ZSCAN25: variants seen among roughly 807,000 people sequenced by gnomAD.
The protein encoded by ZSCAN25 is zinc finger and SCAN domain-containing protein 25.
A neutral mutation model predicts 38.7 loss-of-function variants in ZSCAN25; 27 were observed. The observed-to-expected ratio is 0.70, with a 90% confidence interval of 0.51 to 0.96. ZSCAN25 has a LOEUF of 0.96. ZSCAN25 is among the 40% of genes least tolerant of loss of function. The pLI, the probability that ZSCAN25 is intolerant of heterozygous loss-of-function variation, is 0.00. For missense variants in ZSCAN25, 637 were observed against 705.9 expected, an observed-to-expected ratio of 0.90 and a Z score of 1.11; for synonymous variants, 273 against 277.7, an observed-to-expected ratio of 0.98 and a Z score of 0.17.
At chr7:99,674,463 G>A in the ZSCAN25 span, 4 of 1,240,780 alleles carry the variant, frequency 3.2e-6, no homozygotes, top group South Asian at 5.1e-5. Flanking sequence ...CCTGGGCAGA[G>A]ACTATCCTGC....
At chr7:99,641,303 G>C in the ZSCAN25 span, among the ~76,000 whole-genome samples, 1 of 152,124 alleles carries the variant, frequency 6.6e-6, no homozygotes, top group Non-Finnish European at 1.5e-5. Flanking sequence ...AACAAAGGGG[G>C]ATAAGCCCCT....
chr7:99,675,969 A>T, the ZSCAN25 span: 1 of 657,986 alleles, frequency 1.5e-6, no homozygotes, highest in Non-Finnish European at 2.6e-6. Flanking sequence ...GGCTGAGATT[A>T]CAGGCATGAT....
At chr7:99,653,440 G>A in the ZSCAN25 span, among the ~76,000 whole-genome samples, 5 of 132,144 alleles carry the variant, frequency 3.8e-5, no homozygotes, top group Admixed American at 3.3e-4. The surrounding 1 kb of genome is among the most constrained non-coding windows in gnomAD (Gnocchi z 4.2). Context: ...CGTAGAGTCA[G>A]ACCCTGTCTC....
chr7:99,676,405 T>C, the ZSCAN25 span: 5 of 1,506,970 alleles, frequency 3.3e-6, no homozygotes, highest in South Asian at 5.6e-5. Flanking sequence ...CTGAAAAGTC[T>C]CAATGATTAG....
chr7:99,719,998 AAAAC>A, the ZSCAN25 span, among the ~76,000 whole-genome samples: 269 of 152,280 alleles, frequency 1.8e-3, no homozygotes, highest in African/African-American at 6.3e-3. Flanking sequence ...CTCAGTCCGA[AAAAC>A]AAACAACAAA....
chr7:99,629,681 G>A lies in ZSCAN25; in HGVS notation c.1296G>A (p.Lys432=). 1 of 1,614,030 alleles carries A rather than the reference G, an allele frequency of 6.2e-7. No individual in the cohort carries two copies. Among genetic ancestry groups the A allele is most frequent in the Non-Finnish European group, 8.5e-7 (1 of 1,180,016 alleles). ...QRSHTGEKPY[K]CGDCWKSFSR... is the part of the protein sequence containing the mutation. ...GCCACACTGGGGAGAAGCCCTACAA[G>A]TGCGGGGACTGCTGGAAGAGCTTCA... The change falls in exon 8 of 8, where the codon AAG becomes AAA. Residue 432 remains lysine (K), a synonymous_variant. Coordinates refer to ENST00000394152, the MANE Select transcript of ZSCAN25 (RefSeq NM_145115.3). This position sits in a 1 kb window ranked among gnomAD's most constrained non-coding sequence, Gnocchi z 5.6.
chr7:99,620,073 G>A (rs771439946), intron 4 of ZSCAN25, 80 bp downstream of exon 4: 91 of 1,472,084 alleles, frequency 6.2e-5, no homozygotes, highest in Non-Finnish European at 8.1e-5. Context: ...TGAGGAAGCA[G>A]TAGGAGTGGA....
At chr7:99,645,117 A>C in the ZSCAN25 span, among the ~76,000 whole-genome samples, 7 of 152,166 alleles carry the variant, frequency 4.6e-5, no homozygotes, top group Admixed American at 6.5e-5. Flanking sequence ...CAGCCTCCCG[A>C]GTAGCTGAGA....
At chr7:99,628,251 T>A (rs1191641792) in intron 7 of ZSCAN25, among the ~76,000 whole-genome samples, 1 of 152,236 alleles carries the variant, frequency 6.6e-6, no homozygotes, top group Non-Finnish European at 1.5e-5. Flanking sequence ...GTATTTCATA[T>A]TTTATCAAAC....
the ZSCAN25 span, among the ~76,000 whole-genome samples, chr7:99,713,717 G>A: frequency 6.6e-6 from 1 of 152,162 alleles, no homozygotes; most frequent in Non-Finnish European, 1.5e-5. Flanking sequence ...AAAGCAGGAT[G>A]TTTTCCTGAA....
rs148880927 is a variant in ZSCAN25 at position 99,619,825 on chromosome 7, C to T, written c.219C>T (p.Pro73=). 9 of 1,614,088 alleles carry T rather than the reference C, an allele frequency of 5.6e-6. No homozygotes were observed. Among genetic ancestry groups the T allele is most frequent in the East Asian group, 2.2e-5 (1 of 44,890 alleles). ...AGCTCTGTCGTCGGTGGCTGAGGCC[C>T]GAGTTGCACACCAAGGAGCAGATCC... The part of the protein sequence containing the change: ...LQELCRRWLR[P]ELHTKEQILE... Residue 73 remains proline, a synonymous_variant, in exon 4 of 8, where the codon CCC becomes CCT. Coordinates refer to ENST00000394152, the MANE Select transcript of ZSCAN25 (RefSeq NM_145115.3).
At chr7:99,683,970 A>C in the ZSCAN25 span, among the ~76,000 whole-genome samples, 1 of 152,122 alleles carries the variant, frequency 6.6e-6, no homozygotes, top group African/African-American at 2.4e-5. Flanking sequence ...TCAATTGACC[A>C]ATTGACTGTT....
At chr7:99,685,193 T>C in the ZSCAN25 span, 1 of 1,613,528 alleles carries the variant, frequency 6.2e-7, no homozygotes, top group Non-Finnish European at 8.5e-7. Flanking sequence ...ACAATGGGTT[T>C]TTCTGGTTGA....
chr7:99,720,265 A>T, the ZSCAN25 span: 4 of 1,606,282 alleles, frequency 2.5e-6, no homozygotes, highest in Non-Finnish European at 3.4e-6. Flanking sequence ...TTAAAATAAA[A>T]ATTTAATCAA....
At chr7:99,682,214 C>A in the ZSCAN25 span, among the ~76,000 whole-genome samples, 1 of 152,166 alleles carries the variant, frequency 6.6e-6, no homozygotes. Context: ...AAGTGATACA[C>A]CCGCCTCGGC....
intron 1 of ZSCAN25, chr7:99,618,150 G>A (rs1424001140): frequency 6.6e-6 from 1 of 152,212 alleles, no homozygotes; most frequent in Non-Finnish European, 1.5e-5. Context: ...CCTTCCCCTG[G>A]TGCTTTGGAC....
At chr7:99,710,202 T>TA in the ZSCAN25 span, among the ~76,000 whole-genome samples, 5 of 152,170 alleles carry the variant, frequency 3.3e-5, no homozygotes, top group Non-Finnish European at 7.3e-5. Flanking sequence ...ACCTAGTACT[T>TA]AGTGTTATAT....
the ZSCAN25 span, chr7:99,672,811 T>C: frequency 6.6e-7 from 1 of 1,510,610 alleles, no homozygotes; most frequent in Non-Finnish European, 8.8e-7. Flanking sequence ...ACAGCAACCT[T>C]AGGTTCTAGT....
the ZSCAN25 span, among the ~76,000 whole-genome samples, chr7:99,722,813 T>A: frequency 6.6e-6 from 1 of 152,188 alleles, no homozygotes; most frequent in African/African-American, 2.4e-5. Context: ...CTAGCAGAAT[T>A]AGAAAGTTAC....
Sources: allele counts gnomAD v4.1 joint callset (sites outside exome capture counted in the v4.1 genomes callset), GRCh38; gene constraint gnomAD v4.1.1; non-coding constraint Gnocchi (gnomAD v3.1); transcripts MANE v1.5; gene names NCBI Gene and HGNC (gene_info 2026-07-23, HGNC 2026-07-21).